Variants in DPP10 observed in about 807,000 individuals in gnomAD.
DPP10 encodes dipeptidyl peptidase like 10, also known as inactive dipeptidyl peptidase 10.
A neutral mutation model predicts 120.9 loss-of-function variants in DPP10; 33 were observed. That is an observed-to-expected ratio of 0.27 (90% CI 0.21 to 0.37). The LOEUF (loss-of-function observed/expected upper bound fraction) is 0.37, where lower values mean the gene tolerates loss of function less well. Among genes scored for constraint, DPP10 ranks in the 10% least tolerant of loss-of-function variants. The pLI is 1.00. For missense variants in DPP10, 816 were observed against 942.8 expected (o/e 0.87, Z 1.76); for synonymous variants, 337 against 326.1 (o/e 1.03, Z -0.36).
At chr2:115,373,323 T>C (rs376718339) in intron 3 of DPP10, among the ~76,000 whole-genome samples, 1 of 152,194 alleles carries the variant, frequency 6.6e-6, no homozygotes, top group African/African-American at 2.4e-5. Flanking sequence ...TCTTATAAGA[T>C]CATTCCTTGT....
intron 17 of DPP10, among the ~76,000 whole-genome samples, chr2:115,786,696 A>C (rs1683384924): frequency 6.6e-6 from 1 of 152,176 alleles, no homozygotes; most frequent in Non-Finnish European, 1.5e-5. Context: ...GAATAAGCTA[A>C]TCATAATACA....
intron 25 of DPP10, 139 bp downstream of exon 25, chr2:115,840,962 C>T: frequency 1.6e-6 from 1 of 633,992 alleles, no homozygotes; most frequent in East Asian, 3.0e-5. Context: ...ATTGTGTTCT[C>T]TGTTCCTGAT....
At chr2:115,284,287 TC>T (rs1468322600) in intron 1 of DPP10, among the ~76,000 whole-genome samples, 2 of 152,030 alleles carry the variant, frequency 1.3e-5, no homozygotes, top group Non-Finnish European at 2.9e-5. Flanking sequence ...ATTACTCTTC[TC>T]CATAACATTC....
At chr2:115,351,662 ACTTTT>A (rs2064044130) in intron 3 of DPP10, among the ~76,000 whole-genome samples, 1 of 152,104 alleles carries the variant, frequency 6.6e-6, no homozygotes, top group African/African-American at 2.4e-5. Flanking sequence ...ATCAAGGCTG[ACTTTT>A]CTTTTCAGAG....
rs188431015 is a variant in DPP10, at chr2:114,560,399, A to G, written c.60+117561A>G. On this transcript the variant is annotated intron_variant, in intron 1 of 25. Coordinates refer to ENST00000410059, the MANE Select transcript of DPP10 (RefSeq NM_020868.6). ...GTTCCTGAGGACAGGTGTTTTATCT[A>G]AGACATGTTGGATGCCCAGGATCTC... Among the ~76,000 whole-genome samples, 32 of 152,332 alleles carry G rather than the reference A, an allele frequency of 2.1e-4. No individual in the cohort carries two copies. The East Asian group carries it at 5.6e-3, about 27-fold the overall frequency.
intron 5 of DPP10, among the ~76,000 whole-genome samples, chr2:115,561,001 C>G (rs1311780314): frequency 6.6e-6 from 1 of 151,896 alleles, no homozygotes; most frequent in Non-Finnish European, 1.5e-5. Flanking sequence ...AGTCGGGAGC[C>G]GTATGGAAGC....
chr2:115,077,701 A>C (rs1707916093), intron 1 of DPP10, among the ~76,000 whole-genome samples: 1 of 152,230 alleles, frequency 6.6e-6, no homozygotes, highest in South Asian at 2.1e-4. Flanking sequence ...CCTGCAGTGC[A>C]GTGTTCTGCC....
intron 19 of DPP10, 40 bp downstream of exon 19, chr2:115,791,396 GATTTTAT>G (rs759637496): frequency 5.3e-5 from 81 of 1,524,300 alleles, no homozygotes; most frequent in Non-Finnish European, 6.7e-5. Context: ...GGAATCTAAA[GATTTTAT>G]ATTTTTGTGT....
At chr2:115,086,452 C>CTTTTTT (rs70941026) in intron 1 of DPP10, among the ~76,000 whole-genome samples, 1 of 106,470 alleles carries the variant, frequency 9.4e-6, no homozygotes, top group Non-Finnish European at 2.0e-5. Flanking sequence ...CAATGTATTT[C>CTTTTTT]TTTTTTTTTT....
chr2:114,901,203 G>T (rs116125390), intron 1 of DPP10, among the ~76,000 whole-genome samples: 3 of 151,928 alleles, frequency 2.0e-5, no homozygotes, highest in South Asian at 4.2e-4. Flanking sequence ...TTGTTTGTTT[G>T]TTTTTTGTTT....
At chr2:115,281,977 T>C (rs1027797534) in intron 1 of DPP10, among the ~76,000 whole-genome samples, 20 of 152,134 alleles carry the variant, frequency 1.3e-4, no homozygotes, top group Non-Finnish European at 2.8e-4. Context: ...TTGTTGTTAT[T>C]ATTATTACAT....
At chr2:114,897,411 C>T (rs1693115457) in intron 1 of DPP10, among the ~76,000 whole-genome samples, 1 of 152,152 alleles carries the variant, frequency 6.6e-6, no homozygotes, top group East Asian at 1.9e-4. Context: ...AAAACCTAGG[C>T]ATTACCATTC....
At chr2:115,681,121 T>G (rs2090620285) in intron 5 of DPP10, among the ~76,000 whole-genome samples, 1 of 151,886 alleles carries the variant, frequency 6.6e-6, no homozygotes, top group African/African-American at 2.4e-5. Flanking sequence ...GACTATAAAT[T>G]GTTTTAGCCG....
chr2:114,914,862 T>A (rs1558874575), intron 1 of DPP10, among the ~76,000 whole-genome samples: 2 of 152,350 alleles, frequency 1.3e-5, no homozygotes, highest in East Asian at 1.9e-4. Context: ...CCGGGCGCGG[T>A]GGCTCACGCC....
chr2:114,819,560 G>C (rs546821821), intron 1 of DPP10, among the ~76,000 whole-genome samples: 18 of 152,144 alleles, frequency 1.2e-4, no homozygotes, highest in Non-Finnish European at 1.8e-4. Flanking sequence ...GTTAGTTTTT[G>C]GCTCTTTAAT....
chr2:115,274,785 T>C (rs984958022), intron 1 of DPP10, among the ~76,000 whole-genome samples: 6 of 152,234 alleles, frequency 3.9e-5, no homozygotes, highest in Admixed American at 2.6e-4. Context: ...ATGCAATTTA[T>C]TACTTAATAA....
At chr2:115,443,052 T>C (rs757526980) in intron 3 of DPP10, among the ~76,000 whole-genome samples, 1 of 152,222 alleles carries the variant, frequency 6.6e-6, no homozygotes, top group African/African-American at 2.4e-5. Context: ...TTATTTTACA[T>C]TGATGCTAAT....
At position 115,818,693 on chromosome 2, in the gene DPP10, C is replaced by T. The variant is rs115559066; in HGVS notation, c.1950+2964C>T. Among the ~76,000 whole-genome samples, 234 of 152,118 alleles carry T rather than the reference C, an allele frequency of 1.5e-3. 3 individuals carry two copies. The highest frequency in any genetic ancestry group is 2.5e-3 in the Non-Finnish European group (167 of 68,006). Reference sequence around the variant, plus strand: ...AATAAGAATGAGAGGAAGACTGGGCCGAGACGATAGAGGATCTTCATTGCC... The same window carrying T: ...AATAAGAATGAGAGGAAGACTGGGCTGAGACGATAGAGGATCTTCATTGCC... On this transcript the variant is annotated intron_variant, in intron 21 of 25. Coordinates refer to ENST00000410059, the MANE Select transcript of DPP10 (RefSeq NM_020868.6).
intron 5 of DPP10, among the ~76,000 whole-genome samples, chr2:115,635,301 C>T (rs766031628): frequency 2.0e-5 from 3 of 152,158 alleles, no homozygotes; most frequent in East Asian, 1.9e-4. Context: ...CACAACTCTG[C>T]GGTTCAGACC....
Sources: allele counts gnomAD v4.1 joint callset (sites outside exome capture counted in the v4.1 genomes callset), GRCh38; gene constraint gnomAD v4.1.1; transcripts MANE v1.5; gene names NCBI Gene and HGNC (gene_info 2026-07-23, HGNC 2026-07-21).